ZNF225: variants seen among roughly 807,000 people sequenced by gnomAD.
ZNF225 encodes zinc finger protein 225.
A neutral mutation model predicts 12.0 loss-of-function variants in ZNF225; 6 were observed. That is an observed-to-expected ratio of 0.50 (90% CI 0.27 to 0.98). The LOEUF (loss-of-function observed/expected upper bound fraction) is 0.98, where lower values mean the gene tolerates loss of function less well. ZNF225 is among the 50% of genes least tolerant of loss of function. The pLI, the probability that ZNF225 is intolerant of heterozygous loss-of-function variation, is 0.11. For synonymous variants in ZNF225, 271 were observed against 283.2 expected (o/e 0.96, Z 0.43); for missense variants, 763 against 848.2 (o/e 0.90, Z 1.25).
intron 1 of ZNF225, chr19:44,115,405 A>G (rs79787050): frequency 0.025 from 3,932 of 155,248 alleles, 191 homozygotes; most frequent in African/African-American, 0.091. Flanking sequence ...TTCTCGTTAT[A>G]TACACTTGCC....
chr19:44,127,978 C>T (rs755012141), intron 4 of ZNF225, among the ~76,000 whole-genome samples: 2 of 152,198 alleles, frequency 1.3e-5, no homozygotes, highest in Middle Eastern at 3.2e-3. Context: ...TCTGATGTCT[C>T]CTTCTGAAAC....
At chr19:44,118,339 G>A in intron 3 of ZNF225, 25 bp downstream of exon 3, 4 of 1,610,062 alleles carry the variant, frequency 2.5e-6, no homozygotes, top group Non-Finnish European at 3.4e-6. Context: ...CCTTTGTAAG[G>A]GAACATCAGG....
At chr19:44,122,526 C>T in intron 4 of ZNF225, among the ~76,000 whole-genome samples, 1 of 151,964 alleles carries the variant, frequency 6.6e-6, no homozygotes, top group East Asian at 1.9e-4. Context: ...TTTTCTAATT[C>T]TATGAAGAAT....
intron 4 of ZNF225, chr19:44,129,398 T>G: frequency 4.6e-6 from 1 of 217,760 alleles, no homozygotes; most frequent in Non-Finnish European, 8.9e-6. Flanking sequence ...AAAAATCAAG[T>G]AAGACAGAGT....
At chr19:44,115,654 G>C in intron 1 of ZNF225, 106 bp from the exon 2 acceptor site, 1 of 570,478 alleles carries the variant, frequency 1.8e-6, no homozygotes, top group Non-Finnish European at 3.0e-6. Context: ...GAATGATGCT[G>C]TTGGGAACAT....
At chr19:44,128,490 G>A (rs186894987) in intron 4 of ZNF225, 3 of 152,268 alleles carry the variant, frequency 2.0e-5, no homozygotes, top group Non-Finnish European at 4.4e-5. Flanking sequence ...TTATATCCAT[G>A]TACTAATGTG....
At chr19:44,119,945 G>A (rs964008728) in intron 4 of ZNF225, among the ~76,000 whole-genome samples, 4 of 152,140 alleles carry the variant, frequency 2.6e-5, no homozygotes, top group East Asian at 1.9e-4. Context: ...TAGGCCAGGC[G>A]CGGTAGCTCA....
chr19:44,128,506 G>C (rs144512390), intron 4 of ZNF225: 2 of 152,328 alleles, frequency 1.3e-5, no homozygotes, highest in African/African-American at 4.8e-5. Flanking sequence ...ATGTGCACCA[G>C]TAGGTACACA....
At chr19:44,129,005 C>G in intron 4 of ZNF225, 1 of 1,203,352 alleles carries the variant, frequency 8.3e-7, no homozygotes, top group South Asian at 4.2e-5. Context: ...CTTTCATTGT[C>G]TCATCAGGAT....
chr19:44,119,385 C>T (rs1302883259), intron 4 of ZNF225, among the ~76,000 whole-genome samples: 5 of 152,234 alleles, frequency 3.3e-5, no homozygotes, highest in Non-Finnish European at 5.9e-5. Flanking sequence ...TCTGACACGT[C>T]TCACCGGACA....
chr19:44,123,815 T>C (rs1041922580), intron 4 of ZNF225, among the ~76,000 whole-genome samples: 1 of 152,298 alleles, frequency 6.6e-6, no homozygotes, highest in Non-Finnish European at 1.5e-5. Context: ...ATCTTTTGTA[T>C]TGCAGTGGTG....
Position 44,131,328 on chromosome 19 carries a change from G to A in ZNF225, c.714G>A (p.Gly238=), listed in dbSNP as rs888236900. The A allele has an allele frequency of 2.5e-6, 4 of 1,614,074 alleles. No individual in the cohort carries two copies. In the Admixed American group the frequency reaches 6.7e-5, roughly 27 times the overall value. Residue 238 remains glycine, a synonymous_variant, in exon 5 of 5, where the codon GGG becomes GGA. Coordinates refer to ENST00000262894, the MANE Select transcript of ZNF225 (RefSeq NM_013362.4). ...AACCATTCAAATGTGAGCAGTGTGG[G>A]AAAGGCTTTAGTCGTAGATCAGGAC... is the stretch of plus-strand genomic sequence containing the variant. ...GEKPFKCEQC[G]KGFSRRSGLY...
Position 44,132,318 on chromosome 19 carries a change from T to C in ZNF225, c.1704T>C (p.Tyr568=), listed in dbSNP as rs1165555384. Residue 568 remains tyrosine, a synonymous_variant, in exon 5 of 5, where the codon TAT becomes TAC. Transcript: ENST00000262894. ...GGGTCCACACCGGAGAGAGACCTTA[T>C]AATTGTAAAGAATGTGGGAAGAGCT... The part of the protein sequence containing the change: ...HQRVHTGERP[Y]NCKECGKSFS... The C allele has an allele frequency of 2.9e-5, 47 of 1,613,850 alleles. No homozygotes were observed. Among genetic ancestry groups the C allele is most frequent in the Non-Finnish European group, 3.6e-5 (42 of 1,179,990 alleles).
At chr19:44,112,386 G>A (rs1450540742), upstream of ZNF225, 1 of 152,122 alleles carries the variant, frequency 6.6e-6, no homozygotes, top group Non-Finnish European at 1.5e-5. Flanking sequence ...AAAAAGAAAA[G>A]CCTTACCGAG....
rs182529239 is a variant in ZNF225 at position 44,118,110 on chromosome 19, C to T, written c.16-78C>T. 1.2e-3 allele frequency: 1,871 copies of T among 1,498,192 alleles called. 29 individuals are homozygous for T. The highest frequency in any genetic ancestry group is 3.4e-4 in the Non-Finnish European group (377 of 1,125,214). The allele number at this position is 1,498,192 out of a possible 1,614,324, so 92.8% of individuals were successfully genotyped here. A position where few individuals can be genotyped will look rare whatever the true frequency, so the allele number is the denominator to read the frequency against. On this transcript the variant is annotated intron_variant, in intron 2 of 4. Transcript: ENST00000262894. ...ATCCAAAACAGCTTCTCATTCCTCC[C>T]CTCTGTCTGCTCAGTGCCACCCCTC...
In ZNF225 at chr19:44,133,936, A is replaced by G. The variant is rs546052631; in HGVS notation, c.*1201A>G. 8 of 152,032 alleles carry G rather than the reference A, an allele frequency of 5.3e-5. No homozygotes were observed. In the East Asian group the frequency reaches 1.4e-3, roughly 26 times the overall value. 9.4% of individuals were successfully genotyped at this position (152,032 alleles called of 1,614,324 possible). On this transcript the variant is annotated 3_prime_UTR_variant, in exon 5 of 5. Coordinates refer to ENST00000262894, the MANE Select transcript of ZNF225 (RefSeq NM_013362.4). ...GAGATAGATTTGATTTTTATACTTA[A>G]TGTTCTAGACTGTATCTTTTCAGGA...
intron 1 of ZNF225, chr19:44,114,247 A>T: frequency 1.1e-6 from 1 of 874,778 alleles, no homozygotes; most frequent in Non-Finnish European, 1.9e-6. Flanking sequence ...TTTGACAGAG[A>T]TGCTCACCCC....
At chr19:44,111,739 AAG>A (rs555188587), upstream of ZNF225, among the ~76,000 whole-genome samples, 10 of 152,334 alleles carry the variant, frequency 6.6e-5, no homozygotes, top group South Asian at 2.1e-4. Flanking sequence ...GGTAATAGAA[AAG>A]AGAGAAAGAT....
chr19:44,129,011 AG>A, intron 4 of ZNF225: 1 of 1,215,250 alleles, frequency 8.2e-7, no homozygotes. Context: ...TTGTCTCATC[AG>A]GATCATCCCC....
Sources: allele counts gnomAD v4.1 joint callset (sites outside exome capture counted in the v4.1 genomes callset), GRCh38; gene constraint gnomAD v4.1.1; transcripts MANE v1.5; gene names NCBI Gene and HGNC (gene_info 2026-07-23, HGNC 2026-07-21).